The following ROBO2 variants were observed in gnomAD, a reference collection of about 807,000 sequenced individuals.
The protein encoded by ROBO2 is roundabout homolog 2.
Under a neutral mutation model 160.8 loss-of-function variants are expected in ROBO2, and 53 were observed. The observed-to-expected ratio is 0.33, with a 90% CI of 0.26 to 0.41. ROBO2 has a LOEUF of 0.41. Among genes scored for constraint, ROBO2 ranks in the 10% least tolerant of loss-of-function variants. The pLI, the probability that ROBO2 is intolerant of heterozygous loss-of-function variation, is 1.00. For synonymous variants in ROBO2, 664 were observed against 611.7 expected, an observed-to-expected ratio of 1.09 and a Z score of -1.26; for missense variants, 1,577 against 1,722.4, an observed-to-expected ratio of 0.92 and a Z score of 1.49.
chr3:77,440,977 C>T (rs1035135683), intron 2 of ROBO2, among the ~76,000 whole-genome samples: 2 of 151,928 alleles, frequency 1.3e-5, no homozygotes, highest in African/African-American at 4.8e-5. Context: ...CTTTTCTTGC[C>T]CTAATTCTGT....
intron 2 of ROBO2, among the ~76,000 whole-genome samples, chr3:76,189,592 C>T (rs1701917295): frequency 6.6e-6 from 1 of 152,040 alleles, no homozygotes; most frequent in Non-Finnish European, 1.5e-5. Context: ...TTAAGACATT[C>T]TCTTGTCTTA....
At chr3:77,200,288 TA>T (rs1162992411) in intron 2 of ROBO2, among the ~76,000 whole-genome samples, 1 of 54,902 alleles carries the variant, frequency 1.8e-5, no homozygotes, top group East Asian at 4.9e-4. Context: ...TATATATATA[TA>T]TATATATATA....
Position 76,255,596 on chromosome 3 carries a change from C to CA in ROBO2, c.109+318004dup, listed in dbSNP as rs368852026. On this transcript the variant is annotated intron_variant, in intron 2 of 26. Transcript: ENST00000487694. ...TCTTTATAACTACTATTTTACTATG[C>CA]AAAAAAAAAATTTGAGTATTTAAAG... Among the ~76,000 whole-genome samples the CA allele has an allele frequency of 2.5e-3, 362 of 144,444 alleles. 4 individuals carry two copies. The highest frequency in any genetic ancestry group is 4.5e-3 in the Admixed American group (65 of 14,570). 94.8% of individuals were successfully genotyped at this position (144,444 alleles called of 152,430 possible). A position where few individuals can be genotyped will look rare whatever the true frequency, so the allele number is the denominator to read the frequency against.
intron 2 of ROBO2, among the ~76,000 whole-genome samples, chr3:76,021,470 T>C (rs893027537): frequency 2.6e-5 from 4 of 151,802 alleles, no homozygotes; most frequent in African/African-American, 7.2e-5. Flanking sequence ...ATCTAAGCTC[T>C]GCCATACCTG....
intron 2 of ROBO2, among the ~76,000 whole-genome samples, chr3:76,737,450 G>A (rs1161146573): frequency 6.6e-6 from 1 of 151,916 alleles, no homozygotes; most frequent in Non-Finnish European, 1.5e-5. Flanking sequence ...CAAACAATAT[G>A]CAAACAAATA....
chr3:76,267,825 A>G (rs1378007723), intron 2 of ROBO2, among the ~76,000 whole-genome samples: 1 of 152,102 alleles, frequency 6.6e-6, no homozygotes, highest in Non-Finnish European at 1.5e-5. Context: ...CCTCTCTATA[A>G]TCTTCACCCT....
At chr3:77,045,130 A>T (rs989812193) in intron 1 of ROBO2, among the ~76,000 whole-genome samples, 1 of 152,180 alleles carries the variant, frequency 6.6e-6, no homozygotes, top group Non-Finnish European at 1.5e-5. Context: ...CTTGTAAAAG[A>T]ATTACTATAT....
At chr3:75,995,561 G>A (rs770691807) in intron 2 of ROBO2, among the ~76,000 whole-genome samples, 1 of 152,196 alleles carries the variant, frequency 6.6e-6, no homozygotes, top group South Asian at 2.1e-4. Context: ...TGCTAGGGAA[G>A]TGCAGAAGGG....
chr3:76,855,824 G>T (rs1040403702), intron 2 of ROBO2, among the ~76,000 whole-genome samples: 2 of 151,898 alleles, frequency 1.3e-5, no homozygotes, highest in African/African-American at 4.8e-5. Context: ...TGTAATTGTC[G>T]TATCAAACAA....
intron 2 of ROBO2, among the ~76,000 whole-genome samples, chr3:76,288,999 G>T (rs1708669928): frequency 6.6e-6 from 1 of 152,034 alleles, no homozygotes. Flanking sequence ...ATATTTTGGG[G>T]GGTACATACC....
intron 2 of ROBO2, among the ~76,000 whole-genome samples, chr3:76,789,759 A>C (rs1034436216): frequency 6.6e-6 from 1 of 151,644 alleles, no homozygotes; most frequent in Non-Finnish European, 1.5e-5. Flanking sequence ...AGAGGACAGC[A>C]AATTTGATTT....
chr3:76,596,474 A>G (rs2086741886), intron 2 of ROBO2, among the ~76,000 whole-genome samples: 1 of 151,892 alleles, frequency 6.6e-6, no homozygotes, highest in African/African-American at 2.4e-5. Context: ...AGCAGATAGA[A>G]CCCTCTCTGA....
chr3:76,487,074 A>G lies in ROBO2; in HGVS notation c.109+549472A>G, dbSNP rs1001154734. Among the ~76,000 whole-genome samples the G allele has an allele frequency of 2.0e-5, 3 of 152,072 alleles. 1 individual carries two copies. The highest frequency in any genetic ancestry group is 1.3e-4 in the Admixed American group (2 of 15,268). ...AGCATCGAACTCCTGGGCTCAAGCA[A>G]TCCACCTGCCACAGCCTCTCGGGTG... On this transcript the variant is annotated intron_variant, in intron 2 of 26. Coordinates refer to the ROBO2 transcript ENST00000487694.
chr3:76,838,328 C>T (rs748323504), intron 2 of ROBO2, among the ~76,000 whole-genome samples: 6 of 152,050 alleles, frequency 3.9e-5, no homozygotes, highest in African/African-American at 7.2e-5. Context: ...AACGAACCCA[C>T]AGATATGAGT....
At chr3:76,348,040 G>GCC (rs2074635989) in intron 2 of ROBO2, among the ~76,000 whole-genome samples, 1 of 152,074 alleles carries the variant, frequency 6.6e-6, no homozygotes, top group Admixed American at 6.6e-5. Context: ...TGCATCGTCT[G>GCC]CCCAAGCACT....
intron 2 of ROBO2, among the ~76,000 whole-genome samples, chr3:75,941,995 G>A (rs923504024): frequency 1.1e-4 from 16 of 152,078 alleles, no homozygotes; most frequent in East Asian, 1.9e-4. Context: ...GCCTCCATTC[G>A]GTTCCTTACA....
chr3:76,335,653 C>T (rs2108088641), intron 2 of ROBO2, among the ~76,000 whole-genome samples: 1 of 151,902 alleles, frequency 6.6e-6, no homozygotes, highest in Non-Finnish European at 1.5e-5. Context: ...TCTCGGCTCA[C>T]TGCAAGCTCC....
At position 76,387,656 on chromosome 3, in the gene ROBO2, C is replaced by G. The variant is rs904455022; in HGVS notation, c.109+450054C>G. Among the ~76,000 whole-genome samples, 40 of 152,192 alleles carry G rather than the reference C, an allele frequency of 2.6e-4. 1 individual carries two copies. The highest frequency in any genetic ancestry group is 9.6e-4 in the African/African-American group (40 of 41,522). On this transcript the variant is annotated intron_variant, in intron 2 of 26. Transcript: ENST00000487694. Reference sequence around the variant, plus strand: ...TATTATAATTATTTTTCCCATTTCACAGATGAGAACAATGGGGATTTAAAA... The same window carrying G: ...TATTATAATTATTTTTCCCATTTCAGAGATGAGAACAATGGGGATTTAAAA...
At chr3:75,954,013 G>A (rs1156677640) in intron 2 of ROBO2, among the ~76,000 whole-genome samples, 1 of 151,574 alleles carries the variant, frequency 6.6e-6, no homozygotes, top group Non-Finnish European at 1.5e-5. Flanking sequence ...CATTCCAATT[G>A]TCTCTATAGA....
Sources: allele counts gnomAD v4.1 joint callset (sites outside exome capture counted in the v4.1 genomes callset), GRCh38; gene constraint gnomAD v4.1.1; transcripts MANE v1.5; gene names NCBI Gene and HGNC (gene_info 2026-07-23, HGNC 2026-07-21).